SH3GL1: variants seen among roughly 807,000 people sequenced by gnomAD.
SH3GL1 encodes SH3 domain containing GRB2 like 1, endophilin A2, also known as endophilin-A2.
SH3GL1 carries 21 observed loss-of-function variants against 48.8 expected under a neutral mutation model. The observed-to-expected ratio is 0.43, with a 90% confidence interval of 0.30 to 0.62. The LOEUF (loss-of-function observed/expected upper bound fraction) is 0.62, where lower values mean the gene tolerates loss of function less well. SH3GL1 is among the 20% of genes least tolerant of loss of function. The probability of loss-of-function intolerance (pLI) is 0.11; values close to 1 mark genes in which losing one functional copy is unlikely to be tolerated. For missense variants in SH3GL1, 454 were observed against 503.0 expected (o/e 0.90, Z 0.93); for synonymous variants, 282 against 217.5 (o/e 1.30, Z -2.61).
At chr19:4,362,092 C>T (rs576134997) in intron 9 of SH3GL1, among the ~76,000 whole-genome samples, 1 of 152,338 alleles carries the variant, frequency 6.6e-6, no homozygotes, top group Admixed American at 6.5e-5. Flanking sequence ...CCCTTGTAGC[C>T]ACCACACAGC....
At chr19:4,362,915 C>A (rs917214073) in intron 7 of SH3GL1, among the ~76,000 whole-genome samples, 179 bp from the exon 8 acceptor site, 1 of 152,148 alleles carries the variant, frequency 6.6e-6, no homozygotes, top group African/African-American at 2.4e-5. Flanking sequence ...AGAGGGCCTC[C>A]AGCCTGGACC....
chr19:4,387,597 G>C (rs1973259847), intron 1 of SH3GL1, among the ~76,000 whole-genome samples: 1 of 151,950 alleles, frequency 6.6e-6, no homozygotes. Context: ...AGCCCGAACA[G>C]CTCTTTCACA....
In SH3GL1 at chr19:4,362,616, G is replaced by A. The variant is rs200662405; in HGVS notation, c.849C>T (p.Ile283=). ...GGFPCTTAPK[I]AASSSFRSSD... is the part of the protein sequence containing the mutation. ...GAGGGCTCCATGCCCCATTACCTGCGATCTTGGGGGCTGTGGTGCAGGGGA... is the reference window on the plus strand; with the variant it reads ...GAGGGCTCCATGCCCCATTACCTGCAATCTTGGGGGCTGTGGTGCAGGGGA... Residue 283 remains isoleucine, a synonymous_variant, in exon 8 of 10, where the codon ATC becomes ATT. Coordinates refer to ENST00000269886, the MANE Select transcript of SH3GL1 (RefSeq NM_003025.4). 6.7e-5 allele frequency: 108 copies of A among 1,613,684 alleles called. No individual in the cohort carries two copies. The highest frequency in any genetic ancestry group is 5.0e-4 in the Admixed American group (30 of 60,022).
chr19:4,370,756 A>G (rs375751076), intron 1 of SH3GL1, among the ~76,000 whole-genome samples: 2 of 152,264 alleles, frequency 1.3e-5, no homozygotes, highest in East Asian at 1.9e-4. Context: ...CGCCTGGAGC[A>G]GGGAGAAGTG....
intron 1 of SH3GL1, among the ~76,000 whole-genome samples, chr19:4,383,669 C>T (rs896924086): frequency 1.3e-5 from 2 of 152,212 alleles, no homozygotes; most frequent in African/African-American, 4.8e-5. Context: ...CCTCCTGGCA[C>T]TGAGGAACAC....
chr19:4,393,778 A>C (rs942973262), intron 1 of SH3GL1, among the ~76,000 whole-genome samples: 1 of 152,176 alleles, frequency 6.6e-6, no homozygotes, highest in Non-Finnish European at 1.5e-5. Context: ...CGACAGAGCT[A>C]GACTCTGTCT....
chr19:4,375,645 C>G (rs766701022), intron 1 of SH3GL1, among the ~76,000 whole-genome samples: 23 of 152,228 alleles, frequency 1.5e-4, no homozygotes, highest in Middle Eastern at 3.2e-3. Context: ...AGCTCCAGCC[C>G]GAGCGAACAC....
At chr19:4,364,400 G>T in intron 4 of SH3GL1, 179 bp from the exon 5 acceptor site, 1 of 703,530 alleles carries the variant, frequency 1.4e-6, no homozygotes, top group Non-Finnish European at 2.4e-6. Context: ...CTCCCAAGTA[G>T]CCGGGACCAC....
Position 4,363,853 on chromosome 19 carries a change from C to T in SH3GL1, c.491G>A (p.Arg164His), listed in dbSNP as rs1972696696. The T allele has an allele frequency of 3.7e-6, 6 of 1,612,686 alleles. No individual in the cohort carries two copies. Among genetic ancestry groups the T allele is most frequent in the African/African-American group, 2.7e-5 (2 of 74,904 alleles). ...IQHHLKKLEG[R>H]RLDFDYKKKR... ...CTTCTTGTAGTCAAAGTCCAGGCGGCGGCCCTCCAGTTTCTTCAGGTGGTG... is the reference window on the plus strand; with the variant it reads ...CTTCTTGTAGTCAAAGTCCAGGCGGTGGCCCTCCAGTTTCTTCAGGTGGTG... Residue 164 changes from arginine to histidine, a missense_variant, in exon 6 of 10, where the codon CGC becomes CAC. By Grantham distance (29) the Arg-to-His change is conservative (BLOSUM62 0). Coordinates refer to ENST00000269886, the MANE Select transcript of SH3GL1 (RefSeq NM_003025.4).
At position 4,363,885 on chromosome 19, in the gene SH3GL1, A is replaced by C; in HGVS notation, c.466-7T>G. ...CCAGTTTCTTCAGGTGGTGCTGGAG[A>C]CGTGGGGGACATGGGTCACACCAGT... is the stretch of plus-strand genomic sequence containing the variant. On this transcript the variant is annotated splice_region_variant and splice_polypyrimidine_tract_variant and intron_variant, in intron 5 of 9. Transcript: ENST00000269886. The C allele has an allele frequency of 6.2e-7, 1 of 1,611,904 alleles. No homozygotes were observed. Among genetic ancestry groups the C allele is most frequent in the Non-Finnish European group, 8.5e-7 (1 of 1,180,006 alleles).
At chr19:4,371,870 G>A (rs1464774131) in intron 1 of SH3GL1, among the ~76,000 whole-genome samples, 1 of 152,268 alleles carries the variant, frequency 6.6e-6, no homozygotes, top group Non-Finnish European at 1.5e-5. Context: ...AGCGGAATCT[G>A]TGAGCGCACA....
chr19:4,381,390 T>C (rs1274718860), intron 1 of SH3GL1, among the ~76,000 whole-genome samples: 1 of 99,378 alleles, frequency 1.0e-5, no homozygotes, highest in Non-Finnish European at 2.0e-5. Flanking sequence ...CCCCTCTGCC[T>C]CTCTCTGTCC....
intron 1 of SH3GL1, among the ~76,000 whole-genome samples, chr19:4,381,992 CAA>C (rs908126862): frequency 7.2e-5 from 11 of 152,086 alleles, no homozygotes; most frequent in Admixed American, 5.2e-4. Flanking sequence ...TAAAGCAACA[CAA>C]AGTCTTCACT....
intron 1 of SH3GL1, among the ~76,000 whole-genome samples, chr19:4,381,725 G>A (rs1973136539): frequency 9.3e-6 from 1 of 107,164 alleles, no homozygotes; most frequent in East Asian, 2.9e-4. Context: ...ACAGAGTCTC[G>A]CTCTGTTGCC....
intron 1 of SH3GL1, among the ~76,000 whole-genome samples, chr19:4,377,375 G>A (rs1157118450): frequency 6.6e-6 from 1 of 152,252 alleles, no homozygotes; most frequent in Non-Finnish European, 1.5e-5. Context: ...GCAGAGCTGT[G>A]AGCGGGCACT....
In SH3GL1 at chr19:4,389,143, C is replaced by T. The variant is rs147961768; in HGVS notation, c.45+11181G>A. Among the ~76,000 whole-genome samples the T allele has an allele frequency of 2.8e-4, 43 of 152,270 alleles. 1 individual carries two copies. The East Asian group carries it at 6.8e-3, about 24-fold the overall frequency. ...CCTCTAGCTCAGCCTCTGTAGGGGG[C>T]GTCTCTGGCAACCTCATCAGCAGGC... On this transcript the variant is annotated intron_variant, in intron 1 of 9. Transcript: ENST00000269886. The surrounding 1 kb of genome is among the most constrained non-coding windows in gnomAD (Gnocchi z 4.5).
intron 1 of SH3GL1, among the ~76,000 whole-genome samples, chr19:4,378,305 C>G (rs1365212475): frequency 1.3e-5 from 2 of 152,118 alleles, no homozygotes; most frequent in African/African-American, 2.4e-5. Context: ...TGGGCGACAC[C>G]GGGACTGGAT....
rs1972760119 is a variant in SH3GL1 at position 4,365,633 on chromosome 19, A to G, written c.188-8T>C. Reference sequence around the variant, plus strand: ...TCAGCTTAGCCCGCGAGGCTGGGATAGGATGGCCAGGTGGGTGTGGGCTGT... The same window carrying G: ...TCAGCTTAGCCCGCGAGGCTGGGATGGGATGGCCAGGTGGGTGTGGGCTGT... On this transcript the variant is annotated splice_region_variant and splice_polypyrimidine_tract_variant and intron_variant, in intron 3 of 9. Coordinates refer to ENST00000269886, the MANE Select transcript of SH3GL1 (RefSeq NM_003025.4). 4 of 1,613,702 alleles carry G rather than the reference A, an allele frequency of 2.5e-6. No individual in the cohort carries two copies. The highest frequency in any genetic ancestry group is 2.2e-5 in the East Asian group (1 of 44,884).
At chr19:4,382,418 C>T (rs1044599471) in intron 1 of SH3GL1, among the ~76,000 whole-genome samples, 2 of 151,846 alleles carry the variant, frequency 1.3e-5, no homozygotes, top group Admixed American at 6.6e-5. Context: ...CTACCACGCC[C>T]GGCTAATTTT....
Sources: allele counts gnomAD v4.1 joint callset (sites outside exome capture counted in the v4.1 genomes callset), GRCh38; gene constraint gnomAD v4.1.1; non-coding constraint Gnocchi (gnomAD v3.1); transcripts MANE v1.5; gene names NCBI Gene and HGNC (gene_info 2026-07-23, HGNC 2026-07-21).